Variants in YEATS2 observed in about 807,000 individuals in gnomAD.
YEATS2 encodes YEATS domain containing 2, also known as YEATS domain-containing protein 2.
Under a neutral mutation model 163.2 loss-of-function variants are expected in YEATS2, and 77 were observed. The observed-to-expected ratio is 0.47, with a 90% CI of 0.39 to 0.57. The LOEUF (loss-of-function observed/expected upper bound fraction) is 0.57, where lower values mean the gene tolerates loss of function less well. Ranked by LOEUF, YEATS2 falls within the 20% of genes least tolerant of loss-of-function variation. The pLI, the probability that YEATS2 is intolerant of heterozygous loss-of-function variation, is 0.00. For synonymous variants in YEATS2, 631 were observed against 645.1 expected (o/e 0.98, Z 0.33); for missense variants, 1,549 against 1,729.8 (o/e 0.90, Z 1.85).
chr3:183,786,089 G>T, intron 19 of YEATS2, 36 bp from the exon 20 acceptor site: 1 of 1,598,564 alleles, frequency 6.3e-7, no homozygotes, highest in Non-Finnish European at 8.6e-7. Context: ...ATTATCCAAG[G>T]CAACATGATT....
At chr3:183,785,940 T>C (rs1050572355) in intron 19 of YEATS2, among the ~76,000 whole-genome samples, 185 bp from the exon 20 acceptor site, 1 of 152,222 alleles carries the variant, frequency 6.6e-6, no homozygotes, top group Non-Finnish European at 1.5e-5. Context: ...GGGATATTTA[T>C]AGGTGAAAGG....
intron 2 of YEATS2, among the ~76,000 whole-genome samples, chr3:183,717,285 C>T (rs747268186): frequency 2.0e-5 from 3 of 152,208 alleles, no homozygotes. Context: ...TAGTCTCTCT[C>T]AGTCTCCTCA....
intron 20 of YEATS2, among the ~76,000 whole-genome samples, chr3:183,788,741 G>GTACTAACT (rs1453795974): frequency 6.6e-6 from 1 of 152,154 alleles, no homozygotes; most frequent in Non-Finnish European, 1.5e-5. Flanking sequence ...TATCGTGATT[G>GTACTAACT]TACTAACTTA....
At chr3:183,743,997 C>T (rs1014204766) in intron 8 of YEATS2, among the ~76,000 whole-genome samples, 5 of 151,820 alleles carry the variant, frequency 3.3e-5, no homozygotes, top group Non-Finnish European at 7.4e-5. Context: ...ACTAGGTTGC[C>T]TTATGACCTC....
In YEATS2 at chr3:183,797,916, G is replaced by C; in HGVS notation, c.3098-7G>C. 6.2e-7 allele frequency: 1 copy of C among 1,613,850 alleles called. No individual in the cohort carries two copies. The highest frequency in any genetic ancestry group is 8.5e-7 in the Non-Finnish European group (1 of 1,179,830). On this transcript the variant is annotated splice_polypyrimidine_tract_variant and splice_region_variant and intron_variant, in intron 21 of 30. Coordinates refer to ENST00000305135, the MANE Select transcript of YEATS2 (RefSeq NM_018023.5). The stretch of plus-strand genomic sequence containing the variant: ...TCAACTTGGCTTTATCTTCCAATTT[G>C]TTCTAGGACTGTTAAAGATTCACTC...
intron 1 of YEATS2, among the ~76,000 whole-genome samples, chr3:183,703,121 T>A (rs1411863931): frequency 1.3e-5 from 2 of 152,214 alleles, no homozygotes; most frequent in African/African-American, 2.4e-5. Context: ...AGCTCAGCTG[T>A]CTTTTGCTCA....
At chr3:183,759,080 T>C (rs1721074675) in intron 13 of YEATS2, 115 bp downstream of exon 13, 1 of 690,056 alleles carries the variant, frequency 1.4e-6, no homozygotes, top group Non-Finnish European at 2.3e-6. Flanking sequence ...TGTATCGAAC[T>C]CCTGGCCTCA....
At chr3:183,790,403 T>C in intron 20 of YEATS2, among the ~76,000 whole-genome samples, 1 of 44,820 alleles carries the variant, frequency 2.2e-5, no homozygotes, top group East Asian at 1.5e-3. Flanking sequence ...AGACTGTAGA[T>C]GTTTGTTCAA....
chr3:183,730,226 A>G (rs981723400), intron 7 of YEATS2, among the ~76,000 whole-genome samples: 3 of 148,280 alleles, frequency 2.0e-5, no homozygotes. Context: ...CACCATGCCC[A>G]GCTAATTTTT....
At chr3:183,735,685 C>T (rs962602438) in intron 7 of YEATS2, among the ~76,000 whole-genome samples, 2 of 141,138 alleles carry the variant, frequency 1.4e-5, no homozygotes, top group Non-Finnish European at 1.6e-5. Context: ...TTTCTTTCTC[C>T]TTGTCATTTT....
At chr3:183,799,829 T>C (rs1412219146) in intron 23 of YEATS2, among the ~76,000 whole-genome samples, 1 of 149,460 alleles carries the variant, frequency 6.7e-6, no homozygotes, top group Non-Finnish European at 1.5e-5. Context: ...TTTTTTTTTT[T>C]TTCTTTTTTT....
intron 1 of YEATS2, among the ~76,000 whole-genome samples, chr3:183,704,556 A>C (rs1222890229): frequency 2.6e-5 from 4 of 152,106 alleles, no homozygotes; most frequent in Non-Finnish European, 5.9e-5. Context: ...TAAGATCAGA[A>C]TGTGGCTGTA....
In YEATS2 at chr3:183,754,214, A is replaced by G. The variant is rs1720481144; in HGVS notation, c.1239A>G (p.Thr413=). The change falls in exon 11 of 31, where the codon ACA becomes ACG. Residue 413 remains threonine (T), a synonymous_variant. Coordinates refer to ENST00000305135, the MANE Select transcript of YEATS2 (RefSeq NM_018023.5). ...AAAGAACACCCACCAAAATGACTAC[A>G]TCCCAGAAAGTTACCTTTTGTTCCC... is the stretch of plus-strand genomic sequence containing the variant. The part of the protein sequence containing the change: ...SLERTPTKMT[T]SQKVTFCSHG... 1.2e-6 allele frequency: 2 copies of G among 1,613,962 alleles called. No individual in the cohort carries two copies. Among genetic ancestry groups the G allele is most frequent in the African/African-American group, 1.3e-5 (1 of 74,926 alleles).
Position 183,808,010 on chromosome 3 carries a change from GCTTT to G in YEATS2, c.4012-16_4012-13del. On this transcript the variant is annotated splice_polypyrimidine_tract_variant and intron_variant, in intron 28 of 30. Transcript: ENST00000305135. The stretch of plus-strand genomic sequence containing the variant: ...TCTAAAGCAGCGATACGAACAAACG[GCTTT>G]CTTCTGCTTTTCCAGATTGGGATCA... 1 of 1,552,348 alleles carries G rather than the reference GCTTT, an allele frequency of 6.4e-7. No individual in the cohort carries two copies. Among genetic ancestry groups the G allele is most frequent in the Non-Finnish European group, 8.7e-7 (1 of 1,146,230 alleles).
chr3:183,769,131 A>G (rs951125170), intron 15 of YEATS2, among the ~76,000 whole-genome samples: 1 of 152,218 alleles, frequency 6.6e-6, no homozygotes. Context: ...CTCCTTAAAC[A>G]TACAGAAAAG....
At chr3:183,778,480 G>A (rs1723236360) in intron 19 of YEATS2, among the ~76,000 whole-genome samples, 1 of 152,160 alleles carries the variant, frequency 6.6e-6, no homozygotes, top group Non-Finnish European at 1.5e-5. Flanking sequence ...CAGACAGTGA[G>A]TGAGTAGCTG....
At chr3:183,738,985 T>G (rs1718663039) in intron 8 of YEATS2, among the ~76,000 whole-genome samples, 1 of 143,110 alleles carries the variant, frequency 7.0e-6, no homozygotes, top group African/African-American at 2.6e-5. Context: ...CACACTGACT[T>G]CCACAATGGT....
chr3:183,793,048 A>T (rs939888681), intron 21 of YEATS2: 2 of 1,012,032 alleles, frequency 2.0e-6, no homozygotes, highest in Admixed American at 4.9e-5. Flanking sequence ...CTTCTGTAAA[A>T]TATAATAAAA....
chr3:183,700,201 CAT>C (rs1019229158), intron 1 of YEATS2, among the ~76,000 whole-genome samples: 3 of 152,154 alleles, frequency 2.0e-5, no homozygotes, highest in Non-Finnish European at 4.4e-5. Flanking sequence ...GTTCTCCCCA[CAT>C]GTTTCTCAGT....
Sources: allele counts gnomAD v4.1 joint callset (sites outside exome capture counted in the v4.1 genomes callset), GRCh38; gene constraint gnomAD v4.1.1; transcripts MANE v1.5; gene names NCBI Gene and HGNC (gene_info 2026-07-23, HGNC 2026-07-21).